The following LZTFL1 variants were observed in gnomAD, a reference collection of about 807,000 sequenced individuals.
The protein encoded by LZTFL1 is leucine zipper transcription factor-like protein 1.
In LZTFL1, 25 loss-of-function variants were observed where a neutral mutation model predicts 45.9. That is an observed-to-expected ratio of 0.54 (90% CI 0.40 to 0.76). LZTFL1 has a LOEUF of 0.76. Among genes scored for constraint, LZTFL1 ranks in the 30% least tolerant of loss-of-function variants. The pLI is 0.00. For missense variants in LZTFL1, 277 were observed against 331.1 expected, an observed-to-expected ratio of 0.84 and a Z score of 1.27; for synonymous variants, 93 against 117.4, an observed-to-expected ratio of 0.79 and a Z score of 1.35.
intron 4 of LZTFL1, among the ~76,000 whole-genome samples, chr3:45,851,892 T>C (rs1223414155): frequency 6.6e-6 from 1 of 152,060 alleles, no homozygotes; most frequent in South Asian, 2.1e-4. Context: ...ACTAACTATA[T>C]TGACTTCATA....
At chr3:45,827,838 A>G (rs999294702) in intron 8 of LZTFL1, among the ~76,000 whole-genome samples, 3 of 152,046 alleles carry the variant, frequency 2.0e-5, no homozygotes, top group African/African-American at 7.2e-5. Flanking sequence ...TAGCTCCCAT[A>G]TTCTTTTTTC....
chr3:45,893,782 C>G (rs1559423305), intron 2 of LZTFL1, among the ~76,000 whole-genome samples: 1 of 152,314 alleles, frequency 6.6e-6, no homozygotes, highest in East Asian at 1.9e-4. Context: ...GGGACATATA[C>G]TTACAATTTT....
intron 2 of LZTFL1, among the ~76,000 whole-genome samples, chr3:45,876,193 G>C (rs887531318): frequency 6.6e-6 from 1 of 152,152 alleles, no homozygotes; most frequent in African/African-American, 2.4e-5. Flanking sequence ...TTGACGCTCA[G>C]GGACATAGGA....
intron 2 of LZTFL1, among the ~76,000 whole-genome samples, chr3:45,880,970 A>G (rs1701846857): frequency 1.3e-5 from 2 of 152,244 alleles, no homozygotes; most frequent in Non-Finnish European, 1.5e-5. Flanking sequence ...GGAGCTTGAC[A>G]AGTACATGTT....
At chr3:45,839,988 G>A (rs545296553) in intron 1 of LZTFL1, among the ~76,000 whole-genome samples, 4 of 152,162 alleles carry the variant, frequency 2.6e-5, no homozygotes, top group South Asian at 2.1e-4. Context: ...TTACTACCTC[G>A]TATTATTGAT....
chr3:45,826,369 C>A lies in LZTFL1; in HGVS notation c.882-37G>T, dbSNP rs1295905191. ...AATTAAGAACACAATGTCAGGATACCTTTTGTTGTTGTTATTACCAAATAA... is the reference window on the plus strand; with the variant it reads ...AATTAAGAACACAATGTCAGGATACATTTTGTTGTTGTTATTACCAAATAA... On this transcript the variant is annotated intron_variant, in intron 9 of 9. Coordinates refer to ENST00000296135, the MANE Select transcript of LZTFL1 (RefSeq NM_020347.4). The A allele has an allele frequency of 1.9e-6, 3 of 1,564,612 alleles. No homozygotes were observed. The South Asian group carries it at 3.4e-5, about 18-fold the overall frequency.
At chr3:45,907,901 CATG>C (rs1702712383) in intron 2 of LZTFL1, among the ~76,000 whole-genome samples, 1 of 152,172 alleles carries the variant, frequency 6.6e-6, no homozygotes, top group South Asian at 2.1e-4. Flanking sequence ...CTAGCATTTG[CATG>C]ATGTTATGAC....
At chr3:45,833,702 T>G (rs1700892772) in intron 4 of LZTFL1, among the ~76,000 whole-genome samples, 1 of 152,236 alleles carries the variant, frequency 6.6e-6, no homozygotes, top group Non-Finnish European at 1.5e-5. Flanking sequence ...TGCATGTGTA[T>G]GTACATAGAT....
At chr3:45,871,015 A>T (rs1333702895) in intron 2 of LZTFL1, among the ~76,000 whole-genome samples, 2 of 152,234 alleles carry the variant, frequency 1.3e-5, no homozygotes, top group Non-Finnish European at 2.9e-5. Flanking sequence ...GAATCTTTTC[A>T]TGTTAGTACA....
intron 1 of LZTFL1, among the ~76,000 whole-genome samples, chr3:45,915,184 G>A (rs1185433506): frequency 6.6e-6 from 1 of 152,136 alleles, no homozygotes; most frequent in Non-Finnish European, 1.5e-5. Context: ...CAGCCACACC[G>A]ACACCGTCAT....
At chr3:45,839,790 G>A (rs1701059157) in intron 1 of LZTFL1, among the ~76,000 whole-genome samples, 1 of 152,132 alleles carries the variant, frequency 6.6e-6, no homozygotes, top group Admixed American at 6.5e-5. Context: ...GCATACAATT[G>A]GATCTCACCA....
intron 3 of LZTFL1, among the ~76,000 whole-genome samples, chr3:45,856,752 A>T (rs1701399874): frequency 6.6e-6 from 1 of 152,234 alleles, no homozygotes; most frequent in Non-Finnish European, 1.5e-5. Context: ...ACATTTATGC[A>T]GCCAACAAAC....
At chr3:45,876,520 G>T (rs1300522740) in intron 2 of LZTFL1, among the ~76,000 whole-genome samples, 1 of 152,116 alleles carries the variant, frequency 6.6e-6, no homozygotes, top group Non-Finnish European at 1.5e-5. Flanking sequence ...TGTAGAGCTG[G>T]ATAGACCCCA....
rs1702694583 is a variant in LZTFL1, at chr3:45,906,953, G to A, written c.-215+6167C>T. Among the ~76,000 whole-genome samples the A allele has an allele frequency of 2.6e-5, 4 of 152,220 alleles. No individual in the cohort carries two copies. In the South Asian group the frequency reaches 8.3e-4, roughly 31 times the overall value. On this transcript the variant is annotated intron_variant, in intron 2 of 4. Coordinates refer to the LZTFL1 transcript ENST00000472635. ...AAATTTCCTGGGCCTGGTACAAGAT[G>A]TGGCTTTAGGTCAGATTCCCTGTGC...
At chr3:45,894,335 G>A (rs965216978) in intron 2 of LZTFL1, among the ~76,000 whole-genome samples, 2 of 152,136 alleles carry the variant, frequency 1.3e-5, no homozygotes, top group African/African-American at 4.8e-5. Context: ...TTTTAGGGAG[G>A]GGCCCCAACC....
At chr3:45,909,901 A>G (rs1702759316) in intron 2 of LZTFL1, among the ~76,000 whole-genome samples, 1 of 152,220 alleles carries the variant, frequency 6.6e-6, no homozygotes, top group Non-Finnish European at 1.5e-5. Flanking sequence ...GTTGCCTGAG[A>G]CAAGGTGGGA....
chr3:45,893,070 G>A (rs577600026), intron 2 of LZTFL1, among the ~76,000 whole-genome samples: 2 of 152,214 alleles, frequency 1.3e-5, no homozygotes, highest in South Asian at 2.1e-4. Flanking sequence ...AACCCAGACA[G>A]TGAACATATT....
intron 2 of LZTFL1, among the ~76,000 whole-genome samples, chr3:45,907,116 G>A (rs968328159): frequency 2.6e-5 from 4 of 152,082 alleles, no homozygotes; most frequent in African/African-American, 9.7e-5. Context: ...CTGCAGGGCT[G>A]GCTTCCGCCC....
intron 8 of LZTFL1, 30 bp from the exon 9 acceptor site, chr3:45,827,489 T>TA: frequency 2.2e-6 from 3 of 1,369,240 alleles, no homozygotes; most frequent in South Asian, 1.2e-5. Context: ...AGCCCATTAC[T>TA]AAAAAAATAG....
Sources: allele counts gnomAD v4.1 joint callset (sites outside exome capture counted in the v4.1 genomes callset), GRCh38; gene constraint gnomAD v4.1.1; transcripts MANE v1.5; gene names NCBI Gene and HGNC (gene_info 2026-07-23, HGNC 2026-07-21).